PLCB1: variants seen among roughly 807,000 people sequenced by gnomAD.
PLCB1 encodes phospholipase C beta 1, also known as 1-phosphatidylinositol 4,5-bisphosphate phosphodiesterase beta-1.
PLCB1 carries 46 observed loss-of-function variants against 161.8 expected under a neutral mutation model. The observed-to-expected ratio is 0.28, with a 90% CI of 0.22 to 0.36. PLCB1 has a LOEUF of 0.36. PLCB1 is among the 10% of genes least tolerant of loss of function. The pLI is 1.00. For synonymous variants in PLCB1, 517 were observed against 503.7 expected (o/e 1.03, Z -0.35); for missense variants, 1,016 against 1,472.5 (o/e 0.69, Z 5.07).
At chr20:8,716,605 C>T (rs1454936693) in intron 13 of PLCB1, among the ~76,000 whole-genome samples, 1 of 152,180 alleles carries the variant, frequency 6.6e-6, no homozygotes, top group South Asian at 2.1e-4. Flanking sequence ...GATTTCCCAA[C>T]AATTACAATC....
intron 1 of PLCB1, 84 bp from the exon 2 acceptor site, chr20:8,150,210 C>A: frequency 3.4e-6 from 2 of 583,746 alleles, no homozygotes; most frequent in South Asian, 2.8e-5. Context: ...AGAATCTGTA[C>A]AATTATTACT....
In PLCB1 at chr20:8,467,222, T is replaced by C. The variant is rs145760343; in HGVS notation, c.246+95772T>C. ...TCACAAAGTGCTGGGATTACAGGCA[T>C]GAGCCACCATGCCTGTCCATATTTC... is the stretch of plus-strand genomic sequence containing the variant. On this transcript the variant is annotated intron_variant, in intron 3 of 31. Coordinates refer to ENST00000338037, the MANE Select transcript of PLCB1 (RefSeq NM_015192.4). Among the ~76,000 whole-genome samples the C allele has an allele frequency of 7.5e-3, 1,145 of 152,322 alleles. 22 individuals carry two copies. The highest frequency in any genetic ancestry group is 0.026 in the African/African-American group (1,067 of 41,590).
At chr20:8,770,090 C>G (rs1982593009) in intron 26 of PLCB1, among the ~76,000 whole-genome samples, 1 of 152,096 alleles carries the variant, frequency 6.6e-6, no homozygotes, top group African/African-American at 2.4e-5. Flanking sequence ...GTAGCTGGGA[C>G]TATAGGCGCC....
intron 2 of PLCB1, among the ~76,000 whole-genome samples, chr20:8,351,141 T>G (rs928482439): frequency 2.0e-5 from 3 of 152,106 alleles, no homozygotes. Context: ...GTTGGCAAAT[T>G]AGATACATAG....
intron 3 of PLCB1, among the ~76,000 whole-genome samples, chr20:8,500,282 C>T (rs114431087): frequency 0.012 from 1,764 of 152,236 alleles, 35 homozygotes; most frequent in African/African-American, 0.039. Context: ...TTATACCATA[C>T]GAATTGGTCT....
chr20:8,696,670 C>T (rs1197615713), intron 10 of PLCB1, among the ~76,000 whole-genome samples: 2 of 152,090 alleles, frequency 1.3e-5, no homozygotes, highest in Admixed American at 6.6e-5. Flanking sequence ...TAGTTTCTTT[C>T]AACAACATTT....
At chr20:8,268,235 T>C (rs1474616140) in intron 2 of PLCB1, among the ~76,000 whole-genome samples, 1 of 152,150 alleles carries the variant, frequency 6.6e-6, no homozygotes, top group African/African-American at 2.4e-5. Flanking sequence ...TTTGTCCTTG[T>C]GATAGTTTGC....
intron 2 of PLCB1, among the ~76,000 whole-genome samples, chr20:8,221,375 A>T (rs900786656): frequency 6.6e-6 from 1 of 151,998 alleles, no homozygotes. Flanking sequence ...TCTAATTGCA[A>T]TTTTTTTTAT....
At chr20:8,247,939 G>A (rs1169337009) in intron 2 of PLCB1, among the ~76,000 whole-genome samples, 2 of 151,970 alleles carry the variant, frequency 1.3e-5, no homozygotes, top group Admixed American at 6.6e-5. Context: ...AGTAAGTGCT[G>A]TATAAAATTA....
intron 3 of PLCB1, among the ~76,000 whole-genome samples, chr20:8,459,234 A>G (rs901694045): frequency 6.6e-6 from 1 of 152,214 alleles, no homozygotes. Flanking sequence ...TTTTGTCGTT[A>G]GACATTTGCA....
At chr20:8,640,266 A>G (rs1467760501) in intron 4 of PLCB1, among the ~76,000 whole-genome samples, 38 of 152,262 alleles carry the variant, frequency 2.5e-4, no homozygotes, top group Admixed American at 2.5e-3. Context: ...CTGCTTTCAT[A>G]ATAAGCAGAT....
intron 25 of PLCB1, among the ~76,000 whole-genome samples, chr20:8,761,401 G>T (rs759665427): frequency 6.8e-4 from 103 of 152,128 alleles, no homozygotes; most frequent in Non-Finnish European, 1.3e-3. Context: ...AATTTACAAG[G>T]CTATACTTTT....
chr20:8,862,137 GT>G (rs1987279175), intron 31 of PLCB1, among the ~76,000 whole-genome samples: 1 of 152,016 alleles, frequency 6.6e-6, no homozygotes, highest in African/African-American at 2.4e-5. Context: ...ATTTCCTCTT[GT>G]AGAATACATT....
intron 9 of PLCB1, among the ~76,000 whole-genome samples, chr20:8,681,347 T>C (rs1201242784): frequency 6.6e-6 from 1 of 151,910 alleles, no homozygotes; most frequent in African/African-American, 2.4e-5. Flanking sequence ...TCAGAATCTT[T>C]CTCAACACAA....
intron 2 of PLCB1, among the ~76,000 whole-genome samples, chr20:8,369,214 G>T (rs139912779): frequency 1.3e-5 from 2 of 152,122 alleles, no homozygotes; most frequent in Non-Finnish European, 2.9e-5. Context: ...TGTAGGAAAG[G>T]TGGAAACTGC....
chr20:8,282,552 T>C (rs1982920278), intron 2 of PLCB1, among the ~76,000 whole-genome samples: 1 of 152,218 alleles, frequency 6.6e-6, no homozygotes, highest in African/African-American at 2.4e-5. Context: ...AATAATGAAA[T>C]AATCTTCATT....
intron 3 of PLCB1, among the ~76,000 whole-genome samples, chr20:8,595,337 G>A (rs1323971405): frequency 2.8e-5 from 4 of 145,118 alleles, no homozygotes; most frequent in Non-Finnish European, 6.0e-5. Flanking sequence ...ACCTATGAGC[G>A]AGAATATGCG....
chr20:8,246,008 A>G (rs2123213258), intron 2 of PLCB1, among the ~76,000 whole-genome samples: 1 of 152,072 alleles, frequency 6.6e-6, no homozygotes, highest in South Asian at 2.1e-4. Flanking sequence ...ATGCAATATT[A>G]CTTCTCAAAT....
intron 3 of PLCB1, chr20:8,625,303 C>T (rs997020749): frequency 6.6e-6 from 1 of 152,132 alleles, no homozygotes; most frequent in East Asian, 1.9e-4. Flanking sequence ...CAACTGAGGA[C>T]AACTTGAAGG....
Sources: allele counts gnomAD v4.1 joint callset (sites outside exome capture counted in the v4.1 genomes callset), GRCh38; gene constraint gnomAD v4.1.1; transcripts MANE v1.5; gene names NCBI Gene and HGNC (gene_info 2026-07-23, HGNC 2026-07-21).